Variants in ASAP1 observed in about 807,000 individuals in gnomAD.
ASAP1 encodes arf-GAP with SH3 domain, ANK repeat and PH domain-containing protein 1.
In ASAP1, 43 loss-of-function variants were observed where a neutral mutation model predicts 145.2. The ratio of observed to expected loss-of-function variants is 0.30; its 90% CI spans 0.23 to 0.38. ASAP1 has a LOEUF of 0.38. Among genes scored for constraint, ASAP1 ranks in the 10% least tolerant of loss-of-function variants. ASAP1 has a pLI of 1.00. For missense variants in ASAP1, 1,018 were observed against 1,355.3 expected, an observed-to-expected ratio of 0.75 and a Z score of 3.91; for synonymous variants, 546 against 515.5, an observed-to-expected ratio of 1.06 and a Z score of -0.80.
chr8:130,254,496 T>C (rs1053897240), intron 3 of ASAP1, among the ~76,000 whole-genome samples: 3 of 152,148 alleles, frequency 2.0e-5, no homozygotes, highest in African/African-American at 7.2e-5. Context: ...GGCAAATTTA[T>C]AGTTAAAACT....
At chr8:130,116,645 T>G (rs1238585489) in intron 22 of ASAP1, 33 bp downstream of exon 22, 1 of 1,585,296 alleles carries the variant, frequency 6.3e-7, no homozygotes, top group African/African-American at 1.3e-5. Flanking sequence ...GCAGCCAATG[T>G]CTAATAAATC....
At chr8:130,313,364 C>T (rs1373505641) in intron 3 of ASAP1, among the ~76,000 whole-genome samples, 1 of 152,022 alleles carries the variant, frequency 6.6e-6, no homozygotes, top group Non-Finnish European at 1.5e-5. Context: ...GCAGCTCTCA[C>T]TCTCAATGAG....
chr8:130,418,561 A>C (rs1440228093), intron 1 of ASAP1, among the ~76,000 whole-genome samples: 2 of 151,760 alleles, frequency 1.3e-5, no homozygotes, highest in Non-Finnish European at 2.9e-5. Context: ...TAAATAAATA[A>C]ATAAATAAAT....
At position 130,163,675 on chromosome 8, in the gene ASAP1, A is replaced by AT. The variant is rs1446936078; in HGVS notation, c.910-3712dup. On this transcript the variant is annotated intron_variant, in intron 11 of 29. Transcript: ENST00000518721. ...AGGATTTTCTTTCCTGAGAAAGTAGATACTGGACATTTAATAACATTAACA... is the reference window on the plus strand; with the variant it reads ...AGGATTTTCTTTCCTGAGAAAGTAGATTACTGGACATTTAATAACATTAACA... 3.9e-5 allele frequency among the ~76,000 whole-genome samples: 6 copies of AT among 152,182 alleles called. No homozygotes were observed. The East Asian group carries it at 1.2e-3, about 29-fold the overall frequency.
chr8:130,240,304 C>CT (rs973086484), intron 3 of ASAP1, among the ~76,000 whole-genome samples: 8 of 151,274 alleles, frequency 5.3e-5, no homozygotes, highest in African/African-American at 1.2e-4. Context: ...GGTGACACTT[C>CT]TTTTTTTTTA....
At chr8:130,281,062 T>C (rs1033073520) in intron 3 of ASAP1, among the ~76,000 whole-genome samples, 1 of 152,176 alleles carries the variant, frequency 6.6e-6, no homozygotes, top group Admixed American at 6.5e-5. Flanking sequence ...AAAAACATTA[T>C]ACTTGGTGGC....
At chr8:130,300,151 CACAG>C (rs1320378806) in intron 3 of ASAP1, among the ~76,000 whole-genome samples, 258 of 84,788 alleles carry the variant, frequency 3.0e-3, no homozygotes, top group African/African-American at 8.3e-3. Context: ...CACACACACA[CACAG>C]AGAGAGAGAG....
At chr8:130,199,016 T>C (rs1179397848) in intron 5 of ASAP1, among the ~76,000 whole-genome samples, 1 of 152,166 alleles carries the variant, frequency 6.6e-6, no homozygotes, top group Non-Finnish European at 1.5e-5. Flanking sequence ...TGCTTTACTC[T>C]GTCTGGAACA....
chr8:130,230,810 T>C (rs1396076138), intron 4 of ASAP1, among the ~76,000 whole-genome samples: 1 of 152,238 alleles, frequency 6.6e-6, no homozygotes, highest in East Asian at 1.9e-4. Flanking sequence ...CAAGCTGCTT[T>C]TGTACACCTT....
intron 25 of ASAP1, 49 bp from the exon 26 acceptor site, chr8:130,080,020 G>C: frequency 1.3e-6 from 2 of 1,525,042 alleles, no homozygotes; most frequent in Non-Finnish European, 1.8e-6. Context: ...ATGGGGAAAT[G>C]CAATGAGAAT....
At chr8:130,089,732 A>G (rs2097501565) in intron 25 of ASAP1, among the ~76,000 whole-genome samples, 1 of 152,258 alleles carries the variant, frequency 6.6e-6, no homozygotes, top group Non-Finnish European at 1.5e-5. Flanking sequence ...CCAGCCGTGT[A>G]TGAATGCACC....
chr8:130,114,299 C>T (rs2097551304), intron 23 of ASAP1, among the ~76,000 whole-genome samples: 1 of 152,174 alleles, frequency 6.6e-6, no homozygotes. Context: ...TGCTCCCAGG[C>T]TACAAACCTG....
intron 3 of ASAP1, among the ~76,000 whole-genome samples, chr8:130,248,983 C>T (rs1210033371): frequency 2.6e-5 from 4 of 152,082 alleles, no homozygotes; most frequent in South Asian, 4.2e-4. Flanking sequence ...AGGCTAGATT[C>T]GAACCCTTGG....
At chr8:130,425,342 T>C (rs1310104538) in intron 1 of ASAP1, among the ~76,000 whole-genome samples, 1 of 150,782 alleles carries the variant, frequency 6.6e-6, no homozygotes, top group Admixed American at 6.6e-5. Context: ...AAAATATATA[T>C]ATATATGTAA....
At chr8:130,128,226 A>G in intron 15 of ASAP1, 136 bp from the exon 16 acceptor site, 1 of 558,794 alleles carries the variant, frequency 1.8e-6, no homozygotes. Context: ...GCCCCCTTCC[A>G]AAATAGCAAT....
At chr8:130,106,338 CACT>C (rs1402346705) in intron 24 of ASAP1, among the ~76,000 whole-genome samples, 3 of 152,114 alleles carry the variant, frequency 2.0e-5, no homozygotes, top group Non-Finnish European at 1.5e-5. Flanking sequence ...TGAATAACAC[CACT>C]GATAGGAAAA....
chr8:130,442,452 G>C (rs932147217), intron 1 of ASAP1, among the ~76,000 whole-genome samples: 1 of 152,118 alleles, frequency 6.6e-6, no homozygotes, highest in Non-Finnish European at 1.5e-5. Flanking sequence ...CGCTACAATT[G>C]CAAAACAGAA....
chr8:130,174,337 A>G (rs538690603), intron 9 of ASAP1, among the ~76,000 whole-genome samples: 230 of 152,282 alleles, frequency 1.5e-3, no homozygotes, highest in African/African-American at 5.4e-3. Context: ...CTATCACTAC[A>G]CTTAACACAT....
chr8:130,112,968 CT>C (rs1465592064), intron 23 of ASAP1, among the ~76,000 whole-genome samples: 1 of 152,042 alleles, frequency 6.6e-6, no homozygotes, highest in Non-Finnish European at 1.5e-5. Context: ...CTGCATTCCC[CT>C]TGGAAATATC....
Sources: gnomAD v4.1 joint callset for allele counts (sites outside exome capture counted in the v4.1 genomes callset) on GRCh38, gnomAD v4.1.1 for gene constraint, MANE v1.5 for transcripts, NCBI Gene and HGNC (gene_info 2026-07-23, HGNC 2026-07-21) for gene names.